Variants in NDUFAF7 observed in about 807,000 individuals in gnomAD.
The protein encoded by NDUFAF7 is NADH:ubiquinone oxidoreductase complex assembly factor 7, also known as protein arginine methyltransferase NDUFAF7, mitochondrial.
Under a neutral mutation model 47.2 loss-of-function variants are expected in NDUFAF7, and 48 were observed. That is an observed-to-expected ratio of 1.02 (90% CI 0.81 to 1.29). The LOEUF (loss-of-function observed/expected upper bound fraction) is 1.29, where lower values mean the gene tolerates loss of function less well. Ranked by LOEUF, NDUFAF7 falls within the 50% of genes most tolerant of loss-of-function variation. The pLI, the probability that NDUFAF7 is intolerant of heterozygous loss-of-function variation, is 0.00. For synonymous variants in NDUFAF7, 217 were observed against 190.0 expected, an observed-to-expected ratio of 1.14 and a Z score of -1.17; for missense variants, 635 against 537.6, an observed-to-expected ratio of 1.18 and a Z score of -1.79.
downstream of NDUFAF7, chr2:37,252,901 A>T (rs1305739161): frequency 5.4e-6 from 1 of 184,514 alleles, no homozygotes; most frequent in Non-Finnish European, 1.1e-5. Context: ...AGCCTATTGT[A>T]TTAAAGTGAA....
In NDUFAF7 at chr2:37,236,098, T is replaced by C. The variant is rs1665719787; in HGVS notation, c.219T>C (p.Gly73=). 21 of 1,611,658 alleles carry C rather than the reference T, an allele frequency of 1.3e-5. No individual in the cohort carries two copies. The highest frequency in any genetic ancestry group is 1.5e-5 in the Non-Finnish European group (18 of 1,177,916). The change falls in exon 3 of 10, where the codon GGT becomes GGC. Residue 73 remains glycine (G), a splice_region_variant and synonymous_variant. Transcript: ENST00000002125. The part of the protein sequence containing the change: ...MKEVLTNPAK[G]YYVYRDMLGE... ...CTCTATTTTCTCTTTTTACTCAGGG[T>C]TATTATGTGTACCGTGACATGCTAG...
chr2:37,255,196 A>G (rs900682325), downstream of NDUFAF7, among the ~76,000 whole-genome samples: 6 of 152,250 alleles, frequency 3.9e-5, no homozygotes, highest in Non-Finnish European at 8.8e-5. Context: ...AGCTTCTTCA[A>G]TTAGCTTTCT....
chr2:37,252,878 G>A (rs946493127), downstream of NDUFAF7: 1 of 151,072 alleles, frequency 6.6e-6, no homozygotes, highest in Non-Finnish European at 1.4e-5. Context: ...GAAATGGGAA[G>A]ACAAATTAAG....
chr2:37,254,006 C>T (rs997317871), downstream of NDUFAF7, among the ~76,000 whole-genome samples: 1 of 152,160 alleles, frequency 6.6e-6, no homozygotes, highest in African/African-American at 2.4e-5. Context: ...TCATTGCTTT[C>T]AGTTCATGGG....
chr2:37,241,794 AAT>A lies in NDUFAF7; in HGVS notation c.622+4_622+5del. 1 of 1,611,964 alleles carries A rather than the reference AAT, an allele frequency of 6.2e-7. No homozygotes were observed. ...AGATCTGCACGATGTTCCAAAAGGT[AAT>A]TACCTTTATGTGGATTAATGAAAGA... On this transcript the variant is annotated splice_donor_5th_base_variant and intron_variant, in intron 5 of 9. Transcript: ENST00000002125.
At chr2:37,241,455 AAG>A in intron 4 of NDUFAF7, 121 bp from the exon 5 acceptor site, 1 of 812,290 alleles carries the variant, frequency 1.2e-6, no homozygotes. Flanking sequence ...TGGCTTGGGT[AAG>A]GAACACATCT....
At chr2:37,237,223 G>C (rs978679228) in intron 3 of NDUFAF7, among the ~76,000 whole-genome samples, 1 of 152,202 alleles carries the variant, frequency 6.6e-6, no homozygotes, top group African/African-American at 2.4e-5. Flanking sequence ...ACCCGCCTCA[G>C]CCTCCCAAAG....
chr2:37,257,275 A>G (rs781618245), downstream of NDUFAF7, among the ~76,000 whole-genome samples: 9 of 152,112 alleles, frequency 5.9e-5, no homozygotes, highest in African/African-American at 9.7e-5. Flanking sequence ...TCACTCTTCC[A>G]TCATCTGTGA....
chr2:37,250,896 G>C (rs973834462), downstream of NDUFAF7: 2 of 152,728 alleles, frequency 1.3e-5, no homozygotes, highest in East Asian at 1.9e-4. Context: ...AGGTTATACA[G>C]TATCTGGAAT....
chr2:37,244,444 G>A (rs1029662549), intron 7 of NDUFAF7, among the ~76,000 whole-genome samples: 1 of 152,162 alleles, frequency 6.6e-6, no homozygotes, highest in Non-Finnish European at 1.5e-5. Context: ...GCTACAGCAT[G>A]GCTTTTATCC....
intron 5 of NDUFAF7, 173 bp downstream of exon 5, chr2:37,241,964 G>C (rs957482053): frequency 1.6e-6 from 1 of 613,134 alleles, no homozygotes; most frequent in East Asian, 2.8e-5. Context: ...AGAAAATAAA[G>C]TTGCCTGACA....
intron 2 of NDUFAF7, among the ~76,000 whole-genome samples, chr2:37,235,210 G>A (rs920418076): frequency 6.6e-6 from 1 of 151,950 alleles, no homozygotes; most frequent in African/African-American, 2.4e-5. Context: ...AAAGGGAGAA[G>A]GGTGAGGATT....
At chr2:37,232,953 A>G (rs776210675) in intron 2 of NDUFAF7, among the ~76,000 whole-genome samples, 16 of 152,256 alleles carry the variant, frequency 1.1e-4, no homozygotes, top group Admixed American at 2.6e-4. Context: ...TAGATTGGCC[A>G]TTGTTGTTGG....
chr2:37,241,304 G>T (rs1054139503), intron 4 of NDUFAF7, among the ~76,000 whole-genome samples: 10 of 152,036 alleles, frequency 6.6e-5, no homozygotes, highest in African/African-American at 2.4e-4. Flanking sequence ...CTGAATCATT[G>T]TTTTTATCAG....
chr2:37,269,572 T>C, the NDUFAF7 span: 2 of 1,535,752 alleles, frequency 1.3e-6, no homozygotes, highest in South Asian at 2.2e-5. Context: ...TTTCCAGTTT[T>C]TAAAATAATG....
At chr2:37,257,447 C>T (rs1036892093), downstream of NDUFAF7, among the ~76,000 whole-genome samples, 4 of 151,888 alleles carry the variant, frequency 2.6e-5, no homozygotes, top group Non-Finnish European at 5.9e-5. Flanking sequence ...GGGCGGATCA[C>T]GAGGTCAGGA....
At chr2:37,231,942 G>A (rs892960659) in intron 1 of NDUFAF7, 164 bp from the exon 2 acceptor site, 2 of 1,597,710 alleles carry the variant, frequency 1.3e-6, no homozygotes, top group East Asian at 4.5e-5. Flanking sequence ...GTGGGCAAGT[G>A]GGTGCTGTCT....
chr2:37,235,541 C>T (rs1174721848), intron 2 of NDUFAF7, among the ~76,000 whole-genome samples: 1 of 152,092 alleles, frequency 6.6e-6, no homozygotes, highest in Non-Finnish European at 1.5e-5. Context: ...CGTTACATGA[C>T]TTCTGCCTTT....
At chr2:37,231,932 G>C in intron 1 of NDUFAF7, 172 bp downstream of exon 1, 1 of 1,594,988 alleles carries the variant, frequency 6.3e-7, no homozygotes, top group South Asian at 1.1e-5. Flanking sequence ...CTGCGTAGTC[G>C]TGGGCAAGTG....
Sources: gnomAD v4.1 joint callset for allele counts (sites outside exome capture counted in the v4.1 genomes callset) on GRCh38, gnomAD v4.1.1 for gene constraint, MANE v1.5 for transcripts, NCBI Gene and HGNC (gene_info 2026-07-23, HGNC 2026-07-21) for gene names.